AP4M1: variants seen among roughly 807,000 people sequenced by gnomAD.
AP4M1 encodes adaptor related protein complex 4 subunit mu 1, also known as AP-4 complex subunit mu-1.
A neutral mutation model predicts 62.4 loss-of-function variants in AP4M1; 58 were observed. The ratio of observed to expected loss-of-function variants is 0.93; its 90% confidence interval spans 0.75 to 1.16. AP4M1 has a LOEUF of 1.16. AP4M1 is among the 50% of genes most tolerant of loss of function. The pLI is 0.00. For synonymous variants in AP4M1, 290 were observed against 239.7 expected (o/e 1.21, Z -1.94); for missense variants, 626 against 585.4 (o/e 1.07, Z -0.72).
intron 2 of AP4M1, chr7:100,102,193 C>T (rs1221833789): frequency 3.2e-6 from 2 of 620,010 alleles, no homozygotes; most frequent in African/African-American, 1.9e-5. Context: ...TCAGCCTGGC[C>T]AACATGGTGA....
rs1439814044 is a variant in AP4M1 at position 100,108,418 on chromosome 7, C to T, written c.*1536C>T. ...TGACCTGCTGAGCCTGCAGAGCAGCCTGGGCCCGAGCCTTGACCACCTGGG... is the reference window on the plus strand; with the variant it reads ...TGACCTGCTGAGCCTGCAGAGCAGCTTGGGCCCGAGCCTTGACCACCTGGG... On this transcript the variant is annotated 3_prime_UTR_variant, in exon 15 of 15. Coordinates refer to ENST00000359593, the MANE Select transcript of AP4M1 (RefSeq NM_004722.4). The T allele has an allele frequency of 1.2e-6, 2 of 1,613,652 alleles. No homozygotes were observed. The highest frequency in any genetic ancestry group is 1.7e-6 in the Non-Finnish European group (2 of 1,179,778).
chr7:100,106,608 C>G (rs748687900), intron 14 of AP4M1, 50 bp from the exon 15 acceptor site: 1 of 1,589,860 alleles, frequency 6.3e-7, no homozygotes, highest in Non-Finnish European at 8.6e-7. Flanking sequence ...GTTCCCCCAG[C>G]GTGGTCAGCT....
In AP4M1 at chr7:100,105,882, A is replaced by G. The variant is rs62485013; in HGVS notation, c.930-77A>G. On this transcript the variant is annotated intron_variant, in intron 11 of 14. Coordinates refer to ENST00000359593, the MANE Select transcript of AP4M1 (RefSeq NM_004722.4). ...ACAGCCCACACCCACACAGCCCCAC[A>G]TGGAGGTCCCTGGTGGGGAATGGTG... 211,153 of 1,525,422 alleles carry G rather than the reference A, an allele frequency of 0.14. 15,712 individuals are homozygous for G. Among genetic ancestry groups the G allele is most frequent in the Admixed American group, 0.18 (10,855 of 59,868 alleles). 94.5% of individuals were successfully genotyped at this position (1,525,422 alleles called of 1,614,324 possible). A position where few individuals can be genotyped will look rare whatever the true frequency, so the allele number is the denominator to read the frequency against.
At chr7:100,101,088 C>A (rs1361739888), upstream of AP4M1, 13 of 779,330 alleles carry the variant, frequency 1.7e-5, no homozygotes, top group Middle Eastern at 3.2e-4. Flanking sequence ...TCGATGGCCC[C>A]CCGCACGCTT....
chr7:100,106,313 G>A (rs371694729), intron 13 of AP4M1, 22 bp downstream of exon 13: 107 of 1,613,568 alleles, frequency 6.6e-5, no homozygotes, highest in Non-Finnish European at 8.3e-5. Context: ...CACCCACCAC[G>A]GGGAGATTCC....
At chr7:100,103,165 GGGC>G in intron 4 of AP4M1, 1 of 653,952 alleles carries the variant, frequency 1.5e-6, no homozygotes. Context: ...TGGAACTCCT[GGGC>G]TCAAGCCGTC....
At chr7:100,103,142 G>T in intron 4 of AP4M1, 182 bp downstream of exon 4, 1 of 654,794 alleles carries the variant, frequency 1.5e-6, no homozygotes, top group Admixed American at 2.6e-5. Flanking sequence ...TGCAGTTATA[G>T]CTCACTGCAG....
intron 12 of AP4M1, 28 bp from the exon 13 acceptor site, chr7:100,106,213 G>A (rs1275307771): frequency 1.2e-6 from 2 of 1,613,812 alleles, no homozygotes; most frequent in South Asian, 2.2e-5. Flanking sequence ...CCTTCCTGGG[G>A]CTGACTTTGT....
rs1383216995 is a variant in AP4M1, at chr7:100,102,666, G to A, written c.148-9G>A. On this transcript the variant is annotated splice_polypyrimidine_tract_variant and intron_variant, in intron 2 of 14. Coordinates refer to ENST00000359593, the MANE Select transcript of AP4M1 (RefSeq NM_004722.4). ...TTTAACGCCTCTCTTCTCCCTGCCT[G>A]TGTCTCAGCATCACCATGGCCGTCA... The A allele has an allele frequency of 3.1e-6, 5 of 1,613,434 alleles. No homozygotes were observed. The highest frequency in any genetic ancestry group is 4.2e-6 in the Non-Finnish European group (5 of 1,179,476).
At chr7:100,101,191 C>T, upstream of AP4M1, 2 of 1,588,130 alleles carry the variant, frequency 1.3e-6, no homozygotes, top group Non-Finnish European at 1.7e-6. Context: ...CCCCAAGACC[C>T]CAGCTCACAC....
At chr7:100,103,346 C>G (rs1282397646) in intron 4 of AP4M1, 63 bp from the exon 5 acceptor site, 1 of 1,393,554 alleles carries the variant, frequency 7.2e-7, no homozygotes, top group African/African-American at 1.4e-5. Flanking sequence ...ATGCCTGGCC[C>G]CACTCCCCCT....
chr7:100,106,273 T>C lies in AP4M1; in HGVS notation c.1007T>C (p.Leu336Pro). 6.2e-7 allele frequency: 1 copy of C among 1,614,050 alleles called. No individual in the cohort carries two copies. The highest frequency in any genetic ancestry group is 2.2e-5 in the East Asian group (1 of 44,876). ...QALNVRLHLP[L>P]PRGVVSLSQE... ...CTCAATGTCAGGCTGCACCTCCCCC[T>C]GCCTCGAGGGGTGGTCAGGTGAGTG... Residue 336 changes from leucine to proline, a missense_variant, in exon 13 of 15, where the codon CTG (leucine) becomes CCG (proline). Leu to Pro is a moderately conservative substitution (Grantham distance 98). Transcript: ENST00000359593.
intron 2 of AP4M1, 186 bp downstream of exon 2, chr7:100,102,154 G>A (rs1407385512): frequency 2.6e-5 from 18 of 680,280 alleles, no homozygotes; most frequent in South Asian, 7.0e-5. Context: ...ACCGAGGCGG[G>A]CGGATCACCT....
chr7:100,105,570 C>A, intron 11 of AP4M1, 31 bp downstream of exon 11: 1 of 1,583,328 alleles, frequency 6.3e-7, no homozygotes, highest in Non-Finnish European at 8.6e-7. Flanking sequence ...CTAGAACTAC[C>A]TTGGAACCCA....
At chr7:100,101,187 G>C (rs1411470112), upstream of AP4M1, 1 of 1,576,718 alleles carries the variant, frequency 6.3e-7, no homozygotes, top group Admixed American at 1.7e-5. Flanking sequence ...GGTCCCCCAA[G>C]ACCCCAGCTC....
At chr7:100,103,887 C>CAAAAAA (rs10671291) in intron 6 of AP4M1, among the ~76,000 whole-genome samples, 195 bp downstream of exon 6, 25 of 92,008 alleles carry the variant, frequency 2.7e-4, no homozygotes, top group Non-Finnish European at 3.7e-4. Context: ...ACTAAAAATG[C>CAAAAAA]AAAAAAAAAA....
chr7:100,107,416 T>TG lies in AP4M1; in HGVS notation c.*538dup. ...GGAGGAACTGGAGAAGGATGGGAGG[T>TG]GGGGCCTCCTTTGCCCTCCCCTGTT... On this transcript the variant is annotated 3_prime_UTR_variant, in exon 15 of 15. Coordinates refer to ENST00000359593, the MANE Select transcript of AP4M1 (RefSeq NM_004722.4). 6.2e-7 allele frequency: 1 copy of TG among 1,607,122 alleles called. No individual in the cohort carries two copies. Among genetic ancestry groups the TG allele is most frequent in the African/African-American group, 1.3e-5 (1 of 74,740 alleles).
Position 100,107,380 on chromosome 7 carries a change from A to G in AP4M1, c.*498A>G, listed in dbSNP as rs1421255800. The G allele has an allele frequency of 1.3e-6, 2 of 1,590,684 alleles. No individual in the cohort carries two copies. Among genetic ancestry groups the G allele is most frequent in the Non-Finnish European group, 1.7e-6 (2 of 1,165,914 alleles). On this transcript the variant is annotated 3_prime_UTR_variant, in exon 15 of 15. Coordinates refer to ENST00000359593, the MANE Select transcript of AP4M1 (RefSeq NM_004722.4). ...GCACTGCCGCTGAGTGGGGACGGGG[A>G]CGATGCCGGGGGAGGAACTGGAGAA...
At position 100,106,747 on chromosome 7, in the gene AP4M1, C is replaced by G. The variant is rs778934013; in HGVS notation, c.1227C>G (p.Phe409Leu). ...GGCTGGGCCCTGCCAGTCTCTCCTT[C>G]GAGCTTCCCCGGCACACGTGCTCTG... is the stretch of plus-strand genomic sequence containing the variant. ...PLGLGPASLS[F>L]ELPRHTCSGL... The change falls in exon 15 of 15, where the codon TTC (phenylalanine) becomes TTG (leucine). Residue 409 changes from phenylalanine (F) to leucine (L), a missense_variant. Phe to Leu is a conservative substitution (Grantham distance 22, BLOSUM62 0). Transcript: ENST00000359593. 6.2e-7 allele frequency: 1 copy of G among 1,614,062 alleles called. No homozygotes were observed. Among genetic ancestry groups the G allele is most frequent in the African/African-American group, 1.3e-5 (1 of 75,068 alleles).
Sources: allele counts gnomAD v4.1 joint callset (sites outside exome capture counted in the v4.1 genomes callset), GRCh38; gene constraint gnomAD v4.1.1; transcripts MANE v1.5; gene names NCBI Gene and HGNC (gene_info 2026-07-23, HGNC 2026-07-21).